Variants in ATP13A4 observed in about 807,000 individuals in gnomAD.
ATP13A4 encodes ATPase 13A4.
In ATP13A4, 114 loss-of-function variants were observed where a neutral mutation model predicts 142.5. The observed-to-expected ratio is 0.80, with a 90% CI of 0.69 to 0.93. The LOEUF (loss-of-function observed/expected upper bound fraction) is 0.93. Among genes scored for constraint, ATP13A4 ranks in the 40% least tolerant of loss-of-function variants. The pLI is 0.00. For missense variants in ATP13A4, 1,392 were observed against 1,454.0 expected (o/e 0.96, Z 0.69); for synonymous variants, 488 against 514.8 (o/e 0.95, Z 0.70).
chr3:193,403,706 G>C, intron 29 of ATP13A4: 1 of 955,532 alleles, frequency 1.0e-6, no homozygotes, highest in East Asian at 1.2e-4. Context: ...TAGAGCCCAA[G>C]TTATAACTTA....
chr3:193,506,268 A>G (rs1157605866), intron 2 of ATP13A4, among the ~76,000 whole-genome samples: 1 of 152,196 alleles, frequency 6.6e-6, no homozygotes, highest in African/African-American at 2.4e-5. Flanking sequence ...CATTTTAAAT[A>G]ATTGGTTTAT....
upstream of ATP13A4, among the ~76,000 whole-genome samples, chr3:193,557,850 G>A (rs1217629981): frequency 2.6e-5 from 4 of 152,178 alleles, no homozygotes; most frequent in Non-Finnish European, 5.9e-5. Flanking sequence ...GCTGAGGCTC[G>A]GACAAAGAGT....
intron 23 of ATP13A4, 57 bp downstream of exon 23, chr3:193,438,418 T>G (rs1225906552): frequency 7.2e-7 from 1 of 1,390,124 alleles, no homozygotes; most frequent in Non-Finnish European, 1.0e-6. Flanking sequence ...CAGAACAATG[T>G]GATTTGCACC....
chr3:193,457,191 T>C (rs991631890), intron 15 of ATP13A4, 38 bp from the exon 16 acceptor site: 2 of 1,611,172 alleles, frequency 1.2e-6, no homozygotes, highest in African/African-American at 2.7e-5. Flanking sequence ...AACATGCTGA[T>C]ACAGCTTCTA....
chr3:193,511,039 G>A (rs1221049544), intron 2 of ATP13A4, among the ~76,000 whole-genome samples: 2 of 152,206 alleles, frequency 1.3e-5, no homozygotes, highest in Non-Finnish European at 1.5e-5. Context: ...AAGAATGTTT[G>A]AAATAATTGA....
intron 1 of ATP13A4, among the ~76,000 whole-genome samples, chr3:193,526,791 A>G (rs1199681232): frequency 6.6e-6 from 1 of 152,188 alleles, no homozygotes. Context: ...GTGGGGAGAG[A>G]GCAGCAGAGA....
chr3:193,514,602 C>T, intron 2 of ATP13A4, 96 bp downstream of exon 2: 1 of 1,500,468 alleles, frequency 6.7e-7, no homozygotes, highest in Non-Finnish European at 9.2e-7. Flanking sequence ...CCTCCACCTG[C>T]TATCTGTCTT....
At chr3:193,566,591 T>C (rs888271220) in intron 2 of ATP13A4, among the ~76,000 whole-genome samples, 1 of 152,206 alleles carries the variant, frequency 6.6e-6, no homozygotes, top group African/African-American at 2.4e-5. Flanking sequence ...CACAAACTCA[T>C]ACACACACTA....
At chr3:193,439,121 C>G (rs1348451943) in intron 21 of ATP13A4, 56 bp from the exon 22 acceptor site, 3 of 1,509,148 alleles carry the variant, frequency 2.0e-6, no homozygotes, top group East Asian at 4.5e-5. Context: ...GCTAATTTCT[C>G]TAATTAAAAA....
At chr3:193,580,686 T>C (rs998814374) in intron 2 of ATP13A4, among the ~76,000 whole-genome samples, 4 of 151,716 alleles carry the variant, frequency 2.6e-5, no homozygotes, top group South Asian at 2.1e-4. Context: ...TGAACCAGAG[T>C]GTGGAGCAAA....
intron 25 of ATP13A4, 133 bp downstream of exon 25, chr3:193,433,712 T>C (rs895934049): frequency 5.6e-6 from 4 of 710,276 alleles, no homozygotes; most frequent in Non-Finnish European, 1.0e-5. Context: ...TCTCTGTGTA[T>C]ATATTTGGGA....
At chr3:193,436,002 T>C (rs1409968544) in intron 23 of ATP13A4, among the ~76,000 whole-genome samples, 1 of 152,202 alleles carries the variant, frequency 6.6e-6, no homozygotes, top group Non-Finnish European at 1.5e-5. Flanking sequence ...CAGTTGCTCT[T>C]GTCCTTTCAG....
intron 2 of ATP13A4, among the ~76,000 whole-genome samples, chr3:193,573,303 A>ATACTTATATATATATATGTG (rs1724323852): frequency 1.0e-5 from 1 of 99,282 alleles, no homozygotes; most frequent in African/African-American, 3.7e-5. Context: ...ATATATATAT[A>ATACTTATATATATATATGTG]TATACATATA....
At chr3:193,591,420 G>A (rs60598523) in intron 1 of ATP13A4, among the ~76,000 whole-genome samples, 4,359 of 152,292 alleles carry the variant, frequency 0.029, 185 homozygotes, top group African/African-American at 0.093. Flanking sequence ...TTGGTCCAAT[G>A]GTTGCAGTTT....
intron 2 of ATP13A4, among the ~76,000 whole-genome samples, chr3:193,573,315 A>ACT: frequency 7.3e-6 from 1 of 137,648 alleles, no homozygotes; most frequent in African/African-American, 2.8e-5. Flanking sequence ...ATACATATAT[A>ACT]TATATATATA....
intron 25 of ATP13A4, 104 bp downstream of exon 25, chr3:193,433,741 C>G: frequency 1.2e-6 from 1 of 806,834 alleles, no homozygotes. Flanking sequence ...CAGATCATTG[C>G]TGCTGTTGCA....
chr3:193,483,299 G>A (rs1354184541), intron 8 of ATP13A4, among the ~76,000 whole-genome samples: 1 of 152,174 alleles, frequency 6.6e-6, no homozygotes, highest in South Asian at 2.1e-4. Flanking sequence ...ACTAGAAACA[G>A]GAACAAGGCA....
intron 24 of ATP13A4, among the ~76,000 whole-genome samples, chr3:193,435,208 T>C (rs1318985288): frequency 6.6e-6 from 1 of 152,126 alleles, no homozygotes; most frequent in African/African-American, 2.4e-5. Context: ...CAACTGGTTA[T>C]GGTAGGAGTA....
chr3:193,460,811 C>T (rs963507456), intron 13 of ATP13A4, among the ~76,000 whole-genome samples: 3 of 152,160 alleles, frequency 2.0e-5, no homozygotes, highest in African/African-American at 4.8e-5. Flanking sequence ...CATTCCTGTC[C>T]ACCCATTTTT....
Sources: allele counts gnomAD v4.1 joint callset (sites outside exome capture counted in the v4.1 genomes callset), GRCh38; gene constraint gnomAD v4.1.1; transcripts MANE v1.5; gene names NCBI Gene and HGNC (gene_info 2026-07-23, HGNC 2026-07-21).